Variants in NAV2 observed in about 807,000 individuals in gnomAD.
The protein encoded by NAV2 is helicase, APC down-regulated 1.
Under a neutral mutation model 223.2 loss-of-function variants are expected in NAV2, and 54 were observed. The ratio of observed to expected loss-of-function variants is 0.24; its 90% CI spans 0.19 to 0.30. NAV2 has a LOEUF of 0.30. Among genes scored for constraint, NAV2 ranks in the 10% least tolerant of loss-of-function variants. NAV2 has a pLI of 1.00. For missense variants in NAV2, 2,806 were observed against 3,147.5 expected (o/e 0.89, Z 2.60); for synonymous variants, 1,279 against 1,239.3 (o/e 1.03, Z -0.67).
chr11:19,624,678 G>A (rs564561391), intron 1 of NAV2, among the ~76,000 whole-genome samples: 1 of 152,338 alleles, frequency 6.6e-6, no homozygotes, highest in East Asian at 1.9e-4. Flanking sequence ...CTAGGAAAGG[G>A]AATTCCATGA....
chr11:19,347,829 C>T (rs1853087107), upstream of NAV2, among the ~76,000 whole-genome samples: 2 of 152,162 alleles, frequency 1.3e-5, no homozygotes, highest in Non-Finnish European at 2.9e-5. Flanking sequence ...ATTTAAACAT[C>T]CTGAGATTTC....
At chr11:19,480,960 G>A (rs969987056) in intron 1 of NAV2, among the ~76,000 whole-genome samples, 2 of 152,220 alleles carry the variant, frequency 1.3e-5, no homozygotes, top group Non-Finnish European at 2.9e-5. Flanking sequence ...AGAGCCTGAA[G>A]GGGAGGAATA....
chr11:19,493,129 C>A (rs552813607), intron 1 of NAV2, among the ~76,000 whole-genome samples: 16 of 152,282 alleles, frequency 1.1e-4, no homozygotes, highest in African/African-American at 2.9e-4. Context: ...AGGTTAATCA[C>A]TGGGTGGAGG....
intron 1 of NAV2, among the ~76,000 whole-genome samples, chr11:19,818,239 T>TA (rs1188428629): frequency 7.7e-6 from 1 of 129,368 alleles, no homozygotes; most frequent in Non-Finnish European, 1.6e-5. Flanking sequence ...TGATTTTTTT[T>TA]TTTTTTTTTT....
At position 20,119,737 on chromosome 11, in the gene NAV2, A is replaced by G. The variant is rs2063380631; in HGVS notation, c.*1479A>G. The G allele has an allele frequency of 6.6e-6, 1 of 152,466 alleles. No individual in the cohort carries two copies. Among genetic ancestry groups the G allele is most frequent in the South Asian group, 2.1e-4 (1 of 4,820 alleles). 9.4% of individuals were successfully genotyped at this position (152,466 alleles called of 1,614,324 possible). A position where few individuals can be genotyped will look rare whatever the true frequency, so the allele number is the denominator to read the frequency against. On this transcript the variant is annotated 3_prime_UTR_variant, in exon 38 of 38. Transcript: ENST00000349880. ...TTGAAACAAACAGGGCTAAAAAGTCATCTGTTCATTAGGAGAACTCAAGTT... is the reference window on the plus strand; with the variant it reads ...TTGAAACAAACAGGGCTAAAAAGTCGTCTGTTCATTAGGAGAACTCAAGTT...
chr11:20,026,589 C>G (rs867384475), intron 11 of NAV2, among the ~76,000 whole-genome samples: 2 of 152,180 alleles, frequency 1.3e-5, no homozygotes, highest in African/African-American at 2.4e-5. Flanking sequence ...GGATTACAGG[C>G]GTGAGCCATC....
chr11:20,074,581 G>A (rs2059603340), intron 22 of NAV2, among the ~76,000 whole-genome samples: 1 of 152,028 alleles, frequency 6.6e-6, no homozygotes, highest in South Asian at 2.1e-4. Flanking sequence ...TCTCTTTGTA[G>A]GTCTCTAAGG....
chr11:19,594,896 T>A (rs1320396253), intron 1 of NAV2, among the ~76,000 whole-genome samples: 1 of 152,198 alleles, frequency 6.6e-6, no homozygotes, highest in Non-Finnish European at 1.5e-5. Context: ...AAAGATCCTC[T>A]CTCAAGATGA....
chr11:19,983,170 T>C (rs573101564), intron 10 of NAV2, among the ~76,000 whole-genome samples: 4 of 152,216 alleles, frequency 2.6e-5, no homozygotes, highest in Admixed American at 1.3e-4. Context: ...AAAACCAGTC[T>C]CCTTTATGGG....
upstream of NAV2, among the ~76,000 whole-genome samples, chr11:19,709,260 G>A (rs2049778803): frequency 6.6e-6 from 1 of 152,036 alleles, no homozygotes. Context: ...AAAGGAGATA[G>A]GGCCAGGCAC....
At position 19,715,852 on chromosome 11, in the gene NAV2, G is replaced by C. The variant is rs906949397; in HGVS notation, c.267+1890G>C. Reference sequence around the variant, plus strand: ...ACTGATGGTGAACATAGTTTGGATGGACTGCTAAGGAAATTGGCCACTTCC... The same window carrying C: ...ACTGATGGTGAACATAGTTTGGATGCACTGCTAAGGAAATTGGCCACTTCC... On this transcript the variant is annotated intron_variant, in intron 1 of 37. Coordinates refer to ENST00000349880, the MANE Select transcript of NAV2 (RefSeq NM_145117.5). 3.9e-5 allele frequency among the ~76,000 whole-genome samples: 6 copies of C among 152,184 alleles called. No individual in the cohort carries two copies. The East Asian group carries it at 1.2e-3, about 29-fold the overall frequency.
intron 1 of NAV2, among the ~76,000 whole-genome samples, chr11:19,514,147 C>T (rs1007527071): frequency 2.9e-4 from 44 of 152,120 alleles, no homozygotes; most frequent in African/African-American, 9.9e-4. Flanking sequence ...AAAGTTGGCA[C>T]CTAGGTCTGC....
intron 1 of NAV2, among the ~76,000 whole-genome samples, chr11:19,527,029 C>T (rs979792729): frequency 2.6e-5 from 4 of 152,080 alleles, no homozygotes; most frequent in Non-Finnish European, 5.9e-5. Context: ...GCATCTTTCT[C>T]CAACCCTCCC....
At chr11:19,514,936 G>A (rs974614790) in intron 1 of NAV2, among the ~76,000 whole-genome samples, 4 of 152,124 alleles carry the variant, frequency 2.6e-5, no homozygotes, top group African/African-American at 9.7e-5. Flanking sequence ...TTTCAAAATG[G>A]TGCAAGGTGA....
intron 1 of NAV2, chr11:19,351,089 A>G: frequency 6.9e-7 from 1 of 1,451,088 alleles, no homozygotes; most frequent in South Asian, 1.2e-5. Context: ...TGTGATTCAG[A>G]GAGCATAGGT....
At chr11:20,096,348 G>T (rs1457285430) in intron 30 of NAV2, among the ~76,000 whole-genome samples, 1 of 152,144 alleles carries the variant, frequency 6.6e-6, no homozygotes, top group East Asian at 1.9e-4. Flanking sequence ...TGAGTACCAG[G>T]GTGAACCTTG....
intron 36 of NAV2, among the ~76,000 whole-genome samples, chr11:20,111,318 G>A (rs991420501): frequency 6.6e-6 from 1 of 152,210 alleles, no homozygotes; most frequent in Non-Finnish European, 1.5e-5. Flanking sequence ...TCCTGCCTTA[G>A]GGAAAGTGAA....
intron 1 of NAV2, among the ~76,000 whole-genome samples, chr11:19,428,706 C>A (rs554777708): frequency 6.6e-6 from 1 of 152,176 alleles, no homozygotes; most frequent in Non-Finnish European, 1.5e-5. Context: ...TTCCTCTATG[C>A]CACCTAGTCA....
intron 6 of NAV2, among the ~76,000 whole-genome samples, chr11:19,927,673 C>A (rs1350047874): frequency 6.7e-6 from 1 of 149,628 alleles, no homozygotes; most frequent in Non-Finnish European, 1.5e-5. Flanking sequence ...GGCAACAGAG[C>A]AAAACTACAT....
Sources: allele counts gnomAD v4.1 joint callset (sites outside exome capture counted in the v4.1 genomes callset), GRCh38; gene constraint gnomAD v4.1.1; transcripts MANE v1.5; gene names NCBI Gene and HGNC (gene_info 2026-07-23, HGNC 2026-07-21).